XPO5: variants seen among roughly 807,000 people sequenced by gnomAD.
The protein encoded by XPO5 is exportin 5, also known as exportin-5.
XPO5 carries 46 observed loss-of-function variants against 160.6 expected under a neutral mutation model. The ratio of observed to expected loss-of-function variants is 0.29; its 90% CI spans 0.23 to 0.37. XPO5 has a LOEUF of 0.37. Among genes scored for constraint, XPO5 ranks in the 10% least tolerant of loss-of-function variants. The pLI, the probability that XPO5 is intolerant of heterozygous loss-of-function variation, is 1.00. For missense variants in XPO5, 1,090 were observed against 1,463.9 expected, an observed-to-expected ratio of 0.74 and a Z score of 4.17; for synonymous variants, 537 against 519.3, an observed-to-expected ratio of 1.03 and a Z score of -0.46.
chr6:43,569,733 CAAA>C (rs111780112), intron 5 of XPO5, among the ~76,000 whole-genome samples: 1 of 104,490 alleles, frequency 9.6e-6, no homozygotes. Flanking sequence ...ACTCCCTCTC[CAAA>C]AAAAAAAAAA....
intron 20 of XPO5, among the ~76,000 whole-genome samples, chr6:43,537,393 G>A (rs1334828569): frequency 1.3e-5 from 2 of 152,072 alleles, no homozygotes; most frequent in African/African-American, 4.8e-5. Context: ...AGGATTATCT[G>A]CTAAAAAACT....
chr6:43,529,260 T>G (rs754621438), intron 23 of XPO5: 21 of 1,369,362 alleles, frequency 1.5e-5, no homozygotes, highest in South Asian at 5.7e-5. Context: ...TAAGAAAGAT[T>G]TGCTGGCTGC....
rs1281139023 is a variant in XPO5, at chr6:43,532,719, G to T, written c.2444-1144C>A. Among the ~76,000 whole-genome samples the T allele has an allele frequency of 2.7e-4, 41 of 152,180 alleles. 2 individuals carry two copies. The highest frequency in any genetic ancestry group is 2.6e-3 in the Admixed American group (39 of 15,272). Reference sequence around the variant, plus strand: ...AGCCTTCTGACTTCCCTCTGAGACTGGGTTAGGTCTCCCGATAAACACTCA... The same window carrying T: ...AGCCTTCTGACTTCCCTCTGAGACTTGGTTAGGTCTCCCGATAAACACTCA... On this transcript the variant is annotated intron_variant, in intron 21 of 31. Coordinates refer to ENST00000265351, the MANE Select transcript of XPO5 (RefSeq NM_020750.3).
intron 12 of XPO5, among the ~76,000 whole-genome samples, chr6:43,558,215 G>A (rs1474972258): frequency 6.6e-6 from 1 of 152,174 alleles, no homozygotes; most frequent in East Asian, 1.9e-4. Flanking sequence ...AGGTAAGATG[G>A]TATTTAATCC....
chr6:43,575,429 G>A (rs1035532051), intron 1 of XPO5, among the ~76,000 whole-genome samples: 12 of 152,184 alleles, frequency 7.9e-5, no homozygotes, highest in African/African-American at 2.7e-4. Context: ...GGGGATGTCG[G>A]GCTTGGGGAA....
At chr6:43,555,393 A>G (rs7752811) in intron 13 of XPO5, 28,772 of 154,368 alleles carry the variant, frequency 0.19, 5,759 homozygotes, top group African/African-American at 0.51. Context: ...AAAGCTTTGG[A>G]GTGGCTGAGT....
In XPO5 at chr6:43,524,352, CAAAAAA is replaced by C. The variant is rs368583529; in HGVS notation, c.3477+113_3477+118del. The C allele has an allele frequency of 8.4e-6, 9 of 1,069,114 alleles. No individual in the cohort carries two copies. The Admixed American group carries it at 1.2e-4, about 14-fold the overall frequency. The allele number at this position is 1,069,114 out of a possible 1,614,324, so 66.2% of individuals were successfully genotyped here. On this transcript the variant is annotated intron_variant, in intron 31 of 31. Transcript: ENST00000265351. The stretch of plus-strand genomic sequence containing the variant: ...GGGCAACAAGAGTGAAACCCCATCT[CAAAAAA>C]AAAAAAAAAAAAATCTCACCATAAT...
At chr6:43,570,817 A>C (rs1762974119) in intron 4 of XPO5, 40 bp downstream of exon 4, 1 of 1,562,258 alleles carries the variant, frequency 6.4e-7, no homozygotes, top group Non-Finnish European at 8.6e-7. Flanking sequence ...AGTTTGTTCC[A>C]AGGAAAAGTA....
chr6:43,565,537 C>T, intron 8 of XPO5, 123 bp downstream of exon 8: 1 of 862,780 alleles, frequency 1.2e-6, no homozygotes, highest in Non-Finnish European at 1.7e-6. Context: ...TGCACTCCAG[C>T]CTGGGTGACA....
At chr6:43,571,122 A>G (rs1230815362) in intron 3 of XPO5, 128 bp from the exon 4 acceptor site, 1 of 940,104 alleles carries the variant, frequency 1.1e-6, no homozygotes, top group Non-Finnish European at 1.6e-6. Flanking sequence ...GAACAAATGA[A>G]CCTGTTCTTC....
In XPO5 at chr6:43,546,725, C is replaced by A; in HGVS notation, c.2188G>T (p.Gly730Cys). The A allele has an allele frequency of 6.2e-7, 1 of 1,610,152 alleles. No individual in the cohort carries two copies. Among genetic ancestry groups the A allele is most frequent in the Non-Finnish European group, 8.5e-7 (1 of 1,178,274 alleles). Reference sequence around the variant, plus strand: ...GGCCAGCAAGTTCGTTTCACCACACCCAGAATGCTGTATACACAAAAGCTC... The same window carrying A: ...GGCCAGCAAGTTCGTTTCACCACACACAGAATGCTGTATACACAAAAGCTC... ...RMSFCVYSILGVVKRTCWPTD... is the reference protein window; with the variant it reads ...RMSFCVYSILCVVKRTCWPTD... The change falls in exon 20 of 32, where the codon GGT becomes TGT. Residue 730 changes from glycine (G) to cysteine (C), a missense_variant. Transcript: ENST00000265351.
chr6:43,534,121 T>TG, intron 20 of XPO5, 114 bp from the exon 21 acceptor site: 2 of 702,950 alleles, frequency 2.8e-6, no homozygotes, highest in Non-Finnish European at 4.7e-6. Context: ...CATCAACTCC[T>TG]GGCAGGGGAA....
At chr6:43,570,338 G>C (rs796693130) in intron 5 of XPO5, among the ~76,000 whole-genome samples, 164 bp downstream of exon 5, 11 of 136,254 alleles carry the variant, frequency 8.1e-5, no homozygotes, top group African/African-American at 3.0e-4. Flanking sequence ...AAAAAAGAAA[G>C]AAAATGAGCT....
intron 23 of XPO5, 189 bp from the exon 24 acceptor site, chr6:43,529,114 A>G: frequency 1.8e-6 from 2 of 1,132,902 alleles, no homozygotes; most frequent in East Asian, 4.8e-5. Context: ...ATTGAATTCC[A>G]TTATACTCTT....
At chr6:43,555,575 G>A in intron 13 of XPO5, 1 of 274,898 alleles carries the variant, frequency 3.6e-6, no homozygotes, top group South Asian at 9.8e-5. Flanking sequence ...ATAAATAATT[G>A]GTTGATTCTG....
chr6:43,552,637 G>A (rs1013569191), intron 14 of XPO5, among the ~76,000 whole-genome samples: 1 of 152,236 alleles, frequency 6.6e-6, no homozygotes, highest in Non-Finnish European at 1.5e-5. Context: ...ACAGGCATGA[G>A]CTACTGCGCC....
At chr6:43,555,727 T>G (rs1358091962) in intron 13 of XPO5, 109 bp downstream of exon 13, 1 of 1,298,622 alleles carries the variant, frequency 7.7e-7, no homozygotes, top group African/African-American at 1.5e-5. Context: ...TATTTTTGAA[T>G]AGTATAAGTA....
At chr6:43,532,793 A>G (rs1794063701) in intron 21 of XPO5, among the ~76,000 whole-genome samples, 1 of 152,218 alleles carries the variant, frequency 6.6e-6, no homozygotes, top group Non-Finnish European at 1.5e-5. Flanking sequence ...ATGACTGCAC[A>G]GTTATTTTCA....
chr6:43,532,040 T>C (rs1794023047), intron 21 of XPO5, among the ~76,000 whole-genome samples: 1 of 152,242 alleles, frequency 6.6e-6, no homozygotes, highest in South Asian at 2.1e-4. Flanking sequence ...TCGAGTCCTA[T>C]AGTCAGAAGC....
Sources: gnomAD v4.1 joint callset for allele counts (sites outside exome capture counted in the v4.1 genomes callset) on GRCh38, gnomAD v4.1.1 for gene constraint, MANE v1.5 for transcripts, NCBI Gene and HGNC (gene_info 2026-07-23, HGNC 2026-07-21) for gene names.